ADGRG4: variants seen among roughly 807,000 people sequenced by gnomAD.
The protein encoded by ADGRG4 is adhesion G protein-coupled receptor G4.
ADGRG4 carries 122 observed loss-of-function variants against 126.2 expected under a neutral mutation model. The ratio of observed to expected loss-of-function variants is 0.97; its 90% CI spans 0.83 to 1.12. ADGRG4 has a LOEUF of 1.12. Ranked by LOEUF, ADGRG4 falls within the 50% of genes most tolerant of loss-of-function variation. The pLI, the probability that ADGRG4 is intolerant of heterozygous loss-of-function variation, is 0.00. For synonymous variants in ADGRG4, 943 were observed against 838.7 expected, an observed-to-expected ratio of 1.12 and a Z score of -2.15; for missense variants, 2,481 against 2,251.8, an observed-to-expected ratio of 1.10 and a Z score of -2.06.
chrX:136,363,332 A>G (rs1480110112), intron 12 of ADGRG4, 145 bp from the exon 13 acceptor site: 2 of 483,073 alleles, frequency 4.1e-6, no homozygotes, highest in Non-Finnish European at 7.4e-6. Flanking sequence ...TTTCACAAAG[A>G]AGTACTGGGC....
intron 18 of ADGRG4, among the ~76,000 whole-genome samples, chrX:136,394,638 G>A (rs767351667): frequency 1.2e-3 from 137 of 111,902 alleles, no homozygotes; most frequent in African/African-American, 4.1e-3. Flanking sequence ...AACGCAAATT[G>A]CTGGGGTACT....
At chrX:136,393,977 A>T (rs1033294386) in intron 18 of ADGRG4, among the ~76,000 whole-genome samples, 7 of 111,907 alleles carry the variant, frequency 6.3e-5, no homozygotes, top group African/African-American at 2.3e-4. Flanking sequence ...CCCAGCGCAG[A>T]GTAGCCTTGA....
At position 136,353,317 on chromosome X, in the gene ADGRG4, T is replaced by C. The variant is rs771683407; in HGVS notation, c.6823-20T>C. On this transcript the variant is annotated intron_variant, in intron 7 of 25. Transcript: ENST00000394143. Reference sequence around the variant, plus strand: ...TAGAGGAGCAGAATACTAAAACTGATTTTTTTTTGTCTTGTACAGTTGAAT... The same window carrying C: ...TAGAGGAGCAGAATACTAAAACTGACTTTTTTTTGTCTTGTACAGTTGAAT... The C allele has an allele frequency of 6.2e-4, 235 of 377,673 alleles. 1 individual carries two copies. The East Asian group carries it at 0.017, about 27-fold the overall frequency. The allele number at this position is 377,673 out of a possible 1,213,427, so 31.1% of individuals were successfully genotyped here.
intron 5 of ADGRG4, among the ~76,000 whole-genome samples, chrX:136,338,268 A>G (rs180746101): frequency 1.1e-3 from 116 of 108,581 alleles, no homozygotes; most frequent in African/African-American, 3.6e-3. Context: ...AGGGATTCTC[A>G]TACCTCAGCC....
At chrX:136,354,209 G>A (rs1370733046) in intron 8 of ADGRG4, among the ~76,000 whole-genome samples, 1 of 111,815 alleles carries the variant, frequency 8.9e-6, no homozygotes, top group African/African-American at 3.3e-5. Context: ...TAAATGTACG[G>A]TAGGTTATTG....
rs2075009490 is a variant in ADGRG4 at position 136,345,559 on chromosome X, A to G, written c.1853A>G (p.His618Arg). ...CAGAATACACCTACAGCTGATGGAC[A>G]CTTGCTTACTTTGATGTCCACTAGA... is the stretch of plus-strand genomic sequence containing the variant. ...YTQNTPTADG[H>R]LLTLMSTRSA... is the part of the protein sequence containing the mutation. Residue 618 changes from histidine to arginine, a missense_variant, in exon 6 of 26, where the codon CAC becomes CGC. His to Arg is a conservative substitution (Grantham distance 29, BLOSUM62 0). Transcript: ENST00000394143. 8.3e-7 allele frequency: 1 copy of G among 1,210,073 alleles called. No homozygotes were observed. Among genetic ancestry groups the G allele is most frequent in the Admixed American group, 2.2e-5 (1 of 45,865 alleles).
rs1297496054 is a variant in ADGRG4, at chrX:136,387,765, G to A, written c.7802G>A (p.Gly2601Glu). The change falls in exon 16 of 26, where the codon GGA becomes GAA. Residue 2601 changes from glycine to glutamate, a missense_variant. By Grantham distance (98) the Gly-to-Glu change is moderately conservative. Transcript: ENST00000394143. ...PEIFLGNVPV[G>E]GILASIYLPK... ...ATTTTCCTAGGCAATGTCCCTGTGG[G>A]AGGGATTTTGGCTTCCATATATTTG... 8.3e-7 allele frequency: 1 copy of A among 1,205,792 alleles called. No homozygotes were observed. Among genetic ancestry groups the A allele is most frequent in the African/African-American group, 1.8e-5 (1 of 56,870 alleles).
At chrX:136,386,060 T>C (rs2075291184) in intron 15 of ADGRG4, among the ~76,000 whole-genome samples, 1 of 112,051 alleles carries the variant, frequency 8.9e-6, no homozygotes, top group Admixed American at 9.4e-5. Flanking sequence ...CAGCATTAGT[T>C]TCAGCCTGCC....
At chrX:136,308,120 T>C (rs978328504) in intron 3 of ADGRG4, among the ~76,000 whole-genome samples, 2 of 113,028 alleles carry the variant, frequency 1.8e-5, no homozygotes, top group Non-Finnish European at 3.7e-5. Flanking sequence ...TTGTTTGTTT[T>C]TGAGACAGAG....
chrX:136,392,208 A>G, intron 16 of ADGRG4, 24 bp from the exon 17 acceptor site: 1 of 1,136,763 alleles, frequency 8.8e-7, no homozygotes, highest in East Asian at 3.1e-5. Context: ...TAGGTCCTGA[A>G]CTCCTCTTTT....
chrX:136,303,666 G>A (rs1243220258), intron 1 of ADGRG4, among the ~76,000 whole-genome samples: 2 of 111,972 alleles, frequency 1.8e-5, no homozygotes, highest in Non-Finnish European at 3.8e-5. Flanking sequence ...TTTTAAGTTG[G>A]CAATCAAATG....
chrX:136,344,554 C>G lies in ADGRG4; in HGVS notation c.848C>G (p.Thr283Ser), dbSNP rs184489244. 8.3e-7 allele frequency: 1 copy of G among 1,201,510 alleles called. No homozygotes were observed. Among genetic ancestry groups the G allele is most frequent in the Admixed American group, 2.2e-5 (1 of 45,676 alleles). ...CCTATATTTGCAACTGATTACACAA[C>G]CATATCATATTCCAATACAACATCT... ...SIPIFATDYTTISYSNTTSPP... is the reference protein window; with the variant it reads ...SIPIFATDYTSISYSNTTSPP... The change falls in exon 6 of 26, where the codon ACC becomes AGC. Residue 283 changes from threonine (T) to serine (S), a missense_variant. By Grantham distance (58) the Thr-to-Ser change is moderately conservative. Transcript: ENST00000394143.
chrX:136,302,519 C>T (rs2074707849), intron 1 of ADGRG4, among the ~76,000 whole-genome samples: 2 of 111,951 alleles, frequency 1.8e-5, no homozygotes, highest in African/African-American at 6.5e-5. Context: ...CCTTTTCTAC[C>T]TCCCCCAGCT....
At chrX:136,356,444 C>CA (rs371208077) in intron 9 of ADGRG4, among the ~76,000 whole-genome samples, 6 of 110,647 alleles carry the variant, frequency 5.4e-5, no homozygotes, top group African/African-American at 9.8e-5. Flanking sequence ...AGATGTCTTG[C>CA]AAAAAAAACC....
Position 136,347,232 on chromosome X carries a change from C to G in ADGRG4, c.3526C>G (p.Gln1176Glu). Residue 1176 changes from glutamine (Q) to glutamate (E), a missense_variant, in exon 6 of 26, where the codon CAA becomes GAA. Coordinates refer to ENST00000394143, the MANE Select transcript of ADGRG4 (RefSeq NM_153834.4). ...ACCAGAAGCAACTCAACCAATATCTCAAGTAGAGGAGACTTCTACCTATGC... is the reference window on the plus strand; with the variant it reads ...ACCAGAAGCAACTCAACCAATATCTGAAGTAGAGGAGACTTCTACCTATGC... ...STPEATQPISQVEETSTYALS... is the reference protein window; with the variant it reads ...STPEATQPISEVEETSTYALS... 1 of 1,210,391 alleles carries G rather than the reference C, an allele frequency of 8.3e-7. No individual in the cohort carries two copies. Among genetic ancestry groups the G allele is most frequent in the Non-Finnish European group, 1.1e-6 (1 of 894,255 alleles).
chrX:136,390,755 A>G (rs1033494038), intron 16 of ADGRG4, among the ~76,000 whole-genome samples: 4 of 111,610 alleles, frequency 3.6e-5, no homozygotes, highest in Non-Finnish European at 7.5e-5. Context: ...AAATGAAACC[A>G]GAGAAAAGGC....
At position 136,348,543 on chromosome X, in the gene ADGRG4, G is replaced by A. The variant is rs1180954312; in HGVS notation, c.4837G>A (p.Val1613Met). 1.7e-6 allele frequency: 2 copies of A among 1,207,920 alleles called. No homozygotes were observed. Among genetic ancestry groups the A allele is most frequent in the Admixed American group, 2.2e-5 (1 of 45,894 alleles). Residue 1613 changes from valine to methionine, a missense_variant, in exon 6 of 26, where the codon GTG becomes ATG. Coordinates refer to ENST00000394143, the MANE Select transcript of ADGRG4 (RefSeq NM_153834.4). ...AACATCTACATTGGATGTCACACCT[G>A]TGATATATGCTGGGGCTACTTCAAA... ...MQTSTLDVTP[V>M]IYAGATSKNK...
At chrX:136,334,851 T>C (rs2074939431) in intron 5 of ADGRG4, among the ~76,000 whole-genome samples, 1 of 112,049 alleles carries the variant, frequency 8.9e-6, no homozygotes. Flanking sequence ...CTATCTGGAC[T>C]ACTGCATAAT....
chrX:136,413,261 C>G (rs1353778273), intron 24 of ADGRG4, among the ~76,000 whole-genome samples: 1 of 100,808 alleles, frequency 9.9e-6, no homozygotes, highest in Non-Finnish European at 2.0e-5. Flanking sequence ...ACAACAGTCC[C>G]CAGAGTGTGA....
Sources: allele counts gnomAD v4.1 joint callset (sites outside exome capture counted in the v4.1 genomes callset), GRCh38; gene constraint gnomAD v4.1.1; transcripts MANE v1.5; gene names NCBI Gene and HGNC (gene_info 2026-07-23, HGNC 2026-07-21).